The following GRID2 variants were observed in gnomAD, a reference collection of about 807,000 sequenced individuals.
GRID2 encodes glutamate ionotropic receptor delta type subunit 2, also known as glutamate receptor ionotropic, delta-2.
In GRID2, 33 loss-of-function variants were observed where a neutral mutation model predicts 114.8. The observed-to-expected ratio is 0.29, with a 90% confidence interval of 0.22 to 0.38. GRID2 has a LOEUF of 0.38. GRID2 is among the 10% of genes least tolerant of loss of function. GRID2 has a pLI of 1.00. For synonymous variants in GRID2, 505 were observed against 449.9 expected (o/e 1.12, Z -1.55); for missense variants, 1,184 against 1,257.7 (o/e 0.94, Z 0.89).
intron 2 of GRID2, among the ~76,000 whole-genome samples, chr4:92,864,021 G>A (rs1327350410): frequency 4.6e-5 from 7 of 152,144 alleles, no homozygotes; most frequent in Non-Finnish European, 8.8e-5. Flanking sequence ...GAATAGACAC[G>A]CCTCAAGGTG....
At chr4:92,571,023 C>T (rs1348358639) in intron 1 of GRID2, among the ~76,000 whole-genome samples, 2 of 152,054 alleles carry the variant, frequency 1.3e-5, no homozygotes, top group South Asian at 2.1e-4. Flanking sequence ...TTGTCTTGTG[C>T]CGGTTTTACA....
At chr4:92,974,473 A>G (rs34609664) in intron 2 of GRID2, among the ~76,000 whole-genome samples, 87,858 of 151,964 alleles carry the variant, frequency 0.58, 26,852 homozygotes, top group African/African-American at 0.76. Context: ...TTAAGAAAAG[A>G]TGGCACATAT....
intron 1 of GRID2, among the ~76,000 whole-genome samples, chr4:92,363,224 T>TC (rs1728698548): frequency 6.6e-6 from 1 of 151,986 alleles, no homozygotes; most frequent in Non-Finnish European, 1.5e-5. Context: ...TTTTAACAAG[T>TC]CCCCCCATGT....
At chr4:92,608,052 A>G (rs1729544318) in intron 2 of GRID2, among the ~76,000 whole-genome samples, 2 of 151,812 alleles carry the variant, frequency 1.3e-5, no homozygotes, top group Non-Finnish European at 2.9e-5. Flanking sequence ...GAAAGGAGAA[A>G]AAGTCTAAGC....
At chr4:92,469,445 A>G (rs186172687) in intron 1 of GRID2, among the ~76,000 whole-genome samples, 99 of 152,272 alleles carry the variant, frequency 6.5e-4, no homozygotes, top group Non-Finnish European at 1.2e-3. Flanking sequence ...CACATCTTCC[A>G]TTTAGATAAT....
chr4:92,956,670 T>C (rs1241994427), intron 2 of GRID2, among the ~76,000 whole-genome samples: 1 of 152,176 alleles, frequency 6.6e-6, no homozygotes, highest in Non-Finnish European at 1.5e-5. Flanking sequence ...TTTGGATAAA[T>C]AGCAATGAGC....
chr4:93,182,103 A>G (rs1739947262), intron 4 of GRID2, among the ~76,000 whole-genome samples: 1 of 152,098 alleles, frequency 6.6e-6, no homozygotes, highest in African/African-American at 2.4e-5. Context: ...TTCCCTTTAA[A>G]CTTCAATGTA....
At chr4:92,905,937 G>T (rs893823606) in intron 2 of GRID2, among the ~76,000 whole-genome samples, 2 of 152,014 alleles carry the variant, frequency 1.3e-5, no homozygotes, top group Admixed American at 6.6e-5. Flanking sequence ...GTCTTAATAT[G>T]CATATTACTT....
intron 14 of GRID2, among the ~76,000 whole-genome samples, chr4:93,665,157 T>C (rs1445410661): frequency 1.3e-5 from 2 of 152,202 alleles, no homozygotes; most frequent in Non-Finnish European, 2.9e-5. Flanking sequence ...CAGTATTCTC[T>C]GCTCTTCCAT....
chr4:93,551,967 T>C (rs1289642404), intron 13 of GRID2, among the ~76,000 whole-genome samples: 1 of 152,070 alleles, frequency 6.6e-6, no homozygotes, highest in Non-Finnish European at 1.5e-5. Context: ...GCCATGTTGG[T>C]GTGCTGCACC....
intron 2 of GRID2, among the ~76,000 whole-genome samples, chr4:92,701,807 ATTG>A (rs1734688465): frequency 6.6e-6 from 1 of 152,164 alleles, no homozygotes; most frequent in African/African-American, 2.4e-5. Context: ...ACACTGCAAT[ATTG>A]TTAATCTACA....
intron 2 of GRID2, among the ~76,000 whole-genome samples, chr4:92,842,268 C>G (rs1251265936): frequency 6.6e-6 from 1 of 151,998 alleles, no homozygotes; most frequent in East Asian, 1.9e-4. Flanking sequence ...TATCTGTGAC[C>G]ACAAAATATT....
At chr4:93,083,278 G>A (rs1260534221) in intron 2 of GRID2, among the ~76,000 whole-genome samples, 1 of 151,848 alleles carries the variant, frequency 6.6e-6, no homozygotes, top group African/African-American at 2.4e-5. Context: ...TACTCTTTTT[G>A]CATTAATTCA....
chr4:93,331,911 C>G (rs980142068), intron 8 of GRID2, among the ~76,000 whole-genome samples: 25 of 151,938 alleles, frequency 1.6e-4, no homozygotes, highest in African/African-American at 5.8e-4. Context: ...TTCTTTTCCC[C>G]CTAGCTATTA....
At chr4:93,215,541 G>A (rs180687917) in intron 5 of GRID2, among the ~76,000 whole-genome samples, 41 of 151,986 alleles carry the variant, frequency 2.7e-4, no homozygotes, top group Admixed American at 2.4e-3. Context: ...GAAAAAGACG[G>A]CATTTTAAAC....
intron 1 of GRID2, among the ~76,000 whole-genome samples, chr4:92,529,415 T>C (rs1725219312): frequency 6.6e-6 from 1 of 152,018 alleles, no homozygotes; most frequent in South Asian, 2.1e-4. Context: ...TCTGGGACAA[T>C]GAGAGAAGAC....
chr4:92,931,076 G>C (rs1432942293), intron 2 of GRID2, among the ~76,000 whole-genome samples: 1 of 149,578 alleles, frequency 6.7e-6, no homozygotes, highest in Non-Finnish European at 1.5e-5. Flanking sequence ...GAAATTGCAG[G>C]TTTTTTACCA....
At chr4:92,915,812 A>G (rs1340854681) in intron 2 of GRID2, among the ~76,000 whole-genome samples, 4 of 152,110 alleles carry the variant, frequency 2.6e-5, no homozygotes, top group African/African-American at 4.8e-5. Context: ...TTCTCTAATG[A>G]TCAGTGATGT....
At chr4:93,506,591 G>A (rs1045653540) in intron 12 of GRID2, among the ~76,000 whole-genome samples, 1 of 152,154 alleles carries the variant, frequency 6.6e-6, no homozygotes, top group Non-Finnish European at 1.5e-5. Flanking sequence ...ACAGGAGTGG[G>A]GAAAGGGACA....
Sources: gnomAD v4.1 joint callset for allele counts (sites outside exome capture counted in the v4.1 genomes callset) on GRCh38, gnomAD v4.1.1 for gene constraint, MANE v1.5 for transcripts, NCBI Gene and HGNC (gene_info 2026-07-23, HGNC 2026-07-21) for gene names.